YY1AP1: variants seen among roughly 807,000 people sequenced by gnomAD.
The protein encoded by YY1AP1 is YY1-associated protein 1.
YY1AP1 carries 43 observed loss-of-function variants against 39.9 expected under a neutral mutation model. That is an observed-to-expected ratio of 1.08 (90% CI 0.84 to 1.39). The LOEUF (loss-of-function observed/expected upper bound fraction) is 1.39. Among genes scored for constraint, YY1AP1 ranks in the 40% most tolerant of loss-of-function variants. The pLI, the probability that YY1AP1 is intolerant of heterozygous loss-of-function variation, is 0.00. For synonymous variants in YY1AP1, 292 were observed against 331.3 expected (o/e 0.88, Z 1.29); for missense variants, 813 against 900.7 (o/e 0.90, Z 1.25).
intron 2 of YY1AP1, among the ~76,000 whole-genome samples, chr1:155,683,358 G>A (rs1046804802): frequency 2.0e-5 from 3 of 151,400 alleles, no homozygotes; most frequent in Non-Finnish European, 4.4e-5. Flanking sequence ...TAATGAAAGA[G>A]ATGGGTTTGG....
At chr1:155,661,470 C>T (rs753625611) in intron 9 of YY1AP1, 47 bp from the exon 10 acceptor site, 17 of 1,611,566 alleles carry the variant, frequency 1.1e-5, no homozygotes, top group African/African-American at 4.0e-5. Context: ...TCTGGAAACA[C>T]TGTCTTCTGT....
chr1:155,674,930 G>T, intron 6 of YY1AP1, 80 bp downstream of exon 6: 1 of 1,293,776 alleles, frequency 7.7e-7, no homozygotes, highest in East Asian at 2.4e-5. Flanking sequence ...AAAAATACCT[G>T]AGAGAATAAC....
At chr1:155,678,284 T>C (rs1181900628) in intron 4 of YY1AP1, among the ~76,000 whole-genome samples, 1 of 152,200 alleles carries the variant, frequency 6.6e-6, no homozygotes, top group African/African-American at 2.4e-5. Flanking sequence ...TACACAATGA[T>C]GAATCGTTTA....
At chr1:155,688,623 T>C (rs1653092781) in intron 1 of YY1AP1, 36 bp downstream of exon 1, 2 of 1,534,212 alleles carry the variant, frequency 1.3e-6, no homozygotes, top group Non-Finnish European at 1.7e-6. Context: ...CCTCAGACCC[T>C]GTCAAGCCGG....
chr1:155,664,787 T>A (rs1237460975), intron 9 of YY1AP1, among the ~76,000 whole-genome samples: 13 of 140,028 alleles, frequency 9.3e-5, no homozygotes, highest in South Asian at 2.3e-4. Flanking sequence ...TTTTTTTTTT[T>A]AATACGGAGT....
At chr1:155,675,800 A>C (rs1474796106) in intron 5 of YY1AP1, among the ~76,000 whole-genome samples, 1 of 152,230 alleles carries the variant, frequency 6.6e-6, no homozygotes, top group Non-Finnish European at 1.5e-5. Context: ...TTTATGACAC[A>C]AATTTTGCTT....
intron 4 of YY1AP1, among the ~76,000 whole-genome samples, chr1:155,677,744 T>C (rs917344870): frequency 9.9e-5 from 15 of 152,240 alleles, no homozygotes; most frequent in African/African-American, 3.6e-4. Context: ...TACTGAGAAC[T>C]GAAAATTTGA....
At chr1:155,688,782 G>C (rs1571391434), upstream of YY1AP1, 4 of 1,537,292 alleles carry the variant, frequency 2.6e-6, no homozygotes, top group South Asian at 1.2e-5. Flanking sequence ...TACACTCCTC[G>C]CGCGTGCGCC....
intron 4 of YY1AP1, among the ~76,000 whole-genome samples, chr1:155,677,583 T>G (rs950089918): frequency 3.3e-5 from 5 of 152,224 alleles, no homozygotes; most frequent in African/African-American, 1.2e-4. Flanking sequence ...AGGAACCCCC[T>G]ATATTACAGC....
intron 2 of YY1AP1, among the ~76,000 whole-genome samples, chr1:155,686,349 C>T (rs1258680960): frequency 6.6e-6 from 1 of 152,066 alleles, no homozygotes; most frequent in Non-Finnish European, 1.5e-5. Flanking sequence ...AGCCACCGCG[C>T]CCTGCCGAAA....
intron 6 of YY1AP1, among the ~76,000 whole-genome samples, chr1:155,673,937 G>C (rs994917035): frequency 2.0e-5 from 3 of 151,788 alleles, no homozygotes; most frequent in African/African-American, 7.3e-5. Context: ...CGAGGTGGGC[G>C]GATCACGAGG....
intron 9 of YY1AP1, among the ~76,000 whole-genome samples, chr1:155,663,306 G>A (rs1648447576): frequency 6.6e-6 from 1 of 150,694 alleles, no homozygotes; most frequent in African/African-American, 2.4e-5. Context: ...AGGAGGTGGA[G>A]AGTGCAGTGG....
chr1:155,688,552 C>A, intron 1 of YY1AP1, 107 bp downstream of exon 1: 2 of 1,539,648 alleles, frequency 1.3e-6, no homozygotes, highest in Non-Finnish European at 1.7e-6. Context: ...GGCCGTCCTG[C>A]GAGCCAGCCA....
intron 9 of YY1AP1, among the ~76,000 whole-genome samples, chr1:155,663,369 CA>C (rs59153587): frequency 0.41 from 47,839 of 115,390 alleles, 9,557 homozygotes; most frequent in East Asian, 0.69. Flanking sequence ...GACTCCATCT[CA>C]AAAAAAAAAA....
chr1:155,670,445 C>T lies in YY1AP1; in HGVS notation c.603G>A (p.Leu201=). ...VKKTANEFPC[L]PKQVAWILAT... Reference sequence around the variant, plus strand: ...CCAGGATCCAAGCCACTTGCTTTGGCAAACAGGGAAATTCATTGGCTATAA... The same window carrying T: ...CCAGGATCCAAGCCACTTGCTTTGGTAAACAGGGAAATTCATTGGCTATAA... Residue 201 remains leucine (L), a synonymous_variant, in exon 8 of 11, where the codon TTG becomes TTA. Coordinates refer to ENST00000355499, the MANE Select transcript of YY1AP1 (RefSeq NM_139119.3). The T allele has an allele frequency of 6.2e-7, 1 of 1,614,102 alleles. No individual in the cohort carries two copies. The highest frequency in any genetic ancestry group is 1.1e-5 in the South Asian group (1 of 91,080).
intron 2 of YY1AP1, among the ~76,000 whole-genome samples, chr1:155,687,127 A>G (rs1652543518): frequency 6.6e-6 from 1 of 152,256 alleles, no homozygotes; most frequent in Admixed American, 6.5e-5. Context: ...TTCTTATTGT[A>G]TTGTAAACTA....
chr1:155,668,232 C>T (rs1472159650), intron 9 of YY1AP1, among the ~76,000 whole-genome samples: 1 of 152,062 alleles, frequency 6.6e-6, no homozygotes, highest in Non-Finnish European at 1.5e-5. Flanking sequence ...ACCCGGGAGG[C>T]GGAAGCTGCA....
intron 3 of YY1AP1, 171 bp downstream of exon 3, chr1:155,680,245 A>G (rs1571356846): frequency 3.2e-6 from 2 of 627,984 alleles, no homozygotes; most frequent in East Asian, 3.2e-5. Context: ...TGGATAATCA[A>G]GAGTCTAGCA....
intron 2 of YY1AP1, 133 bp downstream of exon 2, chr1:155,687,938 C>G: frequency 9.4e-7 from 1 of 1,061,898 alleles, no homozygotes; most frequent in Non-Finnish European, 1.3e-6. Flanking sequence ...TCCCTGCTCT[C>G]CCCTCCCCCA....
Sources: gnomAD v4.1 joint callset for allele counts (sites outside exome capture counted in the v4.1 genomes callset) on GRCh38, gnomAD v4.1.1 for gene constraint, MANE v1.5 for transcripts, NCBI Gene and HGNC (gene_info 2026-07-23, HGNC 2026-07-21) for gene names.